The following FAM53A variants were observed in gnomAD, a reference collection of about 807,000 sequenced individuals.
FAM53A encodes the protein family with sequence similarity 53 member A.
FAM53A carries 28 observed loss-of-function variants against 26.6 expected under a neutral mutation model. That is an observed-to-expected ratio of 1.05 (90% CI 0.78 to 1.45). FAM53A has a LOEUF of 1.45. Ranked by LOEUF, FAM53A falls within the 40% of genes most tolerant of loss-of-function variation. The pLI, the probability that FAM53A is intolerant of heterozygous loss-of-function variation, is 0.00. For synonymous variants in FAM53A, 290 were observed against 253.1 expected (o/e 1.15, Z -1.38); for missense variants, 650 against 575.8 (o/e 1.13, Z -1.32).
the FAM53A span, among the ~76,000 whole-genome samples, chr4:1,580,712 C>T: frequency 5.6e-3 from 814 of 145,956 alleles, 12 homozygotes; most frequent in Non-Finnish European, 9.2e-3. Context: ...GACCCGCCTC[C>T]TGCCCGAGCC....
At chr4:1,599,076 G>A in the FAM53A span, among the ~76,000 whole-genome samples, 5 of 152,172 alleles carry the variant, frequency 3.3e-5, no homozygotes, top group Admixed American at 3.3e-4. This position sits in a 1 kb window ranked among gnomAD's most constrained non-coding sequence, Gnocchi z 6.1. Flanking sequence ...GAGGCCAGGG[G>A]ATCCAGGGTG....
intron 2 of FAM53A, among the ~76,000 whole-genome samples, chr4:1,658,659 C>G (rs899804790): frequency 5.9e-5 from 9 of 152,266 alleles, no homozygotes; most frequent in African/African-American, 2.2e-4. Flanking sequence ...CCACAGGGCT[C>G]TCTTCCCTAC....
At position 1,618,796 on chromosome 4, in the gene FAM53A, G is replaced by A. The variant is rs1714906150; in HGVS notation, c.432-685C>T. On this transcript the variant is annotated intron_variant, in intron 1 of 1. Coordinates refer to the FAM53A transcript ENST00000489029. ...TGCAACCCCAGCACCATCCCAGCGGGGGAATGCCACCGCACAGATAAGCCA... is the reference window on the plus strand; with the variant it reads ...TGCAACCCCAGCACCATCCCAGCGGAGGAATGCCACCGCACAGATAAGCCA... Among the ~76,000 whole-genome samples, 6 of 152,156 alleles carry A rather than the reference G, an allele frequency of 3.9e-5. No individual in the cohort carries two copies. In the South Asian group the frequency reaches 1.2e-3, roughly 32 times the overall value.
chr4:1,682,578 A>G (rs575329008), intron 1 of FAM53A, among the ~76,000 whole-genome samples: 1 of 152,212 alleles, frequency 6.6e-6, no homozygotes, highest in African/African-American at 2.4e-5. Context: ...CCTTTTTTAG[A>G]AAAACATTTT....
intron 1 of FAM53A, among the ~76,000 whole-genome samples, chr4:1,633,843 G>A (rs921275715): frequency 6.6e-6 from 1 of 151,574 alleles, no homozygotes; most frequent in Non-Finnish European, 1.5e-5. Context: ...AACTTAAAGA[G>A]GTTTTAAAAA....
At chr4:1,605,136 G>C in the FAM53A span, among the ~76,000 whole-genome samples, 1 of 152,234 alleles carries the variant, frequency 6.6e-6, no homozygotes, top group Non-Finnish European at 1.5e-5. This position sits in a 1 kb window ranked among gnomAD's most constrained non-coding sequence, Gnocchi z 5.7. Context: ...AAGCTGAGCG[G>C]CTTCCACCGG....
the FAM53A span, among the ~76,000 whole-genome samples, chr4:1,578,468 G>C: frequency 6.6e-6 from 1 of 151,914 alleles, no homozygotes; most frequent in Non-Finnish European, 1.5e-5. Context: ...GTGAGAGCCG[G>C]TGTGGCCTGG....
the FAM53A span, among the ~76,000 whole-genome samples, chr4:1,575,367 C>T: frequency 6.6e-6 from 1 of 152,208 alleles, no homozygotes; most frequent in African/African-American, 2.4e-5. Flanking sequence ...CTCCACTTGG[C>T]ATCATCCAAG....
At chr4:1,623,039 C>T (rs1325921537) in intron 1 of FAM53A, among the ~76,000 whole-genome samples, 1 of 152,244 alleles carries the variant, frequency 6.6e-6, no homozygotes, top group Non-Finnish European at 1.5e-5. Context: ...GAAGCAGCCC[C>T]CACGGTCACA....
intron 1 of FAM53A, among the ~76,000 whole-genome samples, chr4:1,627,269 G>C (rs1436298548): frequency 6.6e-6 from 1 of 152,230 alleles, no homozygotes; most frequent in African/African-American, 2.4e-5. Flanking sequence ...AAGGCACCCA[G>C]AGTGCTCAGG....
chr4:1,655,010 G>C lies in FAM53A; in HGVS notation c.850C>G (p.Arg284Gly). Residue 284 changes from arginine (R) to glycine (G), a missense_variant, in exon 4 of 5, where the codon CGC (arginine) becomes GGC (glycine). Coordinates refer to ENST00000308132, the MANE Select transcript of FAM53A (RefSeq NM_001174070.3). Reference protein sequence around the residue: ...RRREEDARWTRPSLDFLKMTQ... With the variant: ...RRREEDARWTGPSLDFLKMTQ... ...ATTTTCAGGAAGTCCAAGGATGGGC[G>C]TGTCCACCTGGCGTCCTCCTCACGC... The C allele has an allele frequency of 4.5e-6, 7 of 1,549,764 alleles. No individual in the cohort carries two copies. The highest frequency in any genetic ancestry group is 6.1e-6 in the Non-Finnish European group (7 of 1,148,894).
chr4:1,585,506 A>C, the FAM53A span, among the ~76,000 whole-genome samples: 1 of 151,024 alleles, frequency 6.6e-6, no homozygotes, highest in Non-Finnish European at 1.5e-5. Flanking sequence ...CTGATCTCGA[A>C]CTCCTGGCCT....
the FAM53A span, among the ~76,000 whole-genome samples, chr4:1,588,560 T>C: frequency 2.0e-5 from 3 of 152,072 alleles, no homozygotes; most frequent in Non-Finnish European, 2.9e-5. Flanking sequence ...GTCCACATGG[T>C]CAGGAAAGAA....
intron 1 of FAM53A, among the ~76,000 whole-genome samples, chr4:1,631,384 T>C (rs1193041751): frequency 1.3e-5 from 2 of 152,212 alleles, no homozygotes; most frequent in Non-Finnish European, 2.9e-5. Flanking sequence ...TGAGGCCAGC[T>C]TGCAGCCCAG....
At chr4:1,597,651 G>T in the FAM53A span, among the ~76,000 whole-genome samples, 6 of 129,158 alleles carry the variant, frequency 4.6e-5, no homozygotes, top group African/African-American at 1.4e-4. Flanking sequence ...GCCCCATCCA[G>T]CCCTATGTGG....
In FAM53A at chr4:1,618,584, C is replaced by T. The variant is rs567837912; in HGVS notation, c.432-473G>A. On this transcript the variant is annotated intron_variant, in intron 1 of 1. Coordinates refer to the FAM53A transcript ENST00000489029. ...GGACGGCAGCTCTGGGGAAGGAAGA[C>T]GGGAGGGGAGGCTGTTTGGCAGCCT... Among the ~76,000 whole-genome samples, 204 of 152,246 alleles carry T rather than the reference C, an allele frequency of 1.3e-3. 1 individual carries two copies. Among genetic ancestry groups the T allele is most frequent in the African/African-American group, 4.7e-3 (197 of 41,558 alleles).
rs757566597 is a variant in FAM53A, at chr4:1,659,630, G to A, written c.76-2162C>T. On this transcript the variant is annotated intron_variant, in intron 2 of 4. Transcript: ENST00000308132. This position sits in a 1 kb window ranked among gnomAD's most constrained non-coding sequence, Gnocchi z 5.2. ...GCAGACAAACAGAGCCAGGGTCCCCGGGAGACAGGAAAGGCTGGGCAGCCA... is the reference window on the plus strand; with the variant it reads ...GCAGACAAACAGAGCCAGGGTCCCCAGGAGACAGGAAAGGCTGGGCAGCCA... 1.6e-4 allele frequency among the ~76,000 whole-genome samples: 24 copies of A among 152,162 alleles called. No individual in the cohort carries two copies. The highest frequency in any genetic ancestry group is 3.2e-4 in the Non-Finnish European group (22 of 68,032).
At chr4:1,590,681 C>T in the FAM53A span, among the ~76,000 whole-genome samples, 2 of 151,812 alleles carry the variant, frequency 1.3e-5, no homozygotes, top group African/African-American at 2.4e-5. Flanking sequence ...GGTGACCATA[C>T]AGTAGCCTAG....
At chr4:1,586,651 C>T in the FAM53A span, among the ~76,000 whole-genome samples, 8 of 151,690 alleles carry the variant, frequency 5.3e-5, no homozygotes, top group Admixed American at 1.3e-4. Context: ...GGTGTGGTGG[C>T]GGGCGCCTGT....
Sources: gnomAD v4.1 joint callset for allele counts (sites outside exome capture counted in the v4.1 genomes callset) on GRCh38, gnomAD v4.1.1 for gene constraint, Gnocchi (gnomAD v3.1) non-coding constraint, MANE v1.5 for transcripts, NCBI Gene and HGNC (gene_info 2026-07-23, HGNC 2026-07-21) for gene names.